Variants in GTF3C5 observed in about 807,000 individuals in gnomAD.
GTF3C5 encodes general transcription factor IIIC subunit 5.
In GTF3C5, 47 loss-of-function variants were observed where a neutral mutation model predicts 61.0. That is an observed-to-expected ratio of 0.77 (90% CI 0.61 to 0.98). The LOEUF is 0.98. Ranked by LOEUF, GTF3C5 falls within the 50% of genes least tolerant of loss-of-function variation. The probability of loss-of-function intolerance (pLI) is 0.00; values close to 1 mark genes in which losing one functional copy is unlikely to be tolerated. For missense variants in GTF3C5, 659 were observed against 703.3 expected (o/e 0.94, Z 0.71); for synonymous variants, 295 against 275.4 (o/e 1.07, Z -0.71).
chr9:133,038,569 G>A (rs535927129), intron 1 of GTF3C5, among the ~76,000 whole-genome samples: 2 of 150,848 alleles, frequency 1.3e-5, no homozygotes, highest in Admixed American at 6.6e-5. Flanking sequence ...TCCTGCCTCA[G>A]CCTCCTGAGT....
intron 1 of GTF3C5, among the ~76,000 whole-genome samples, chr9:133,036,092 A>G (rs111725678): frequency 0.034 from 5,104 of 152,252 alleles, 103 homozygotes; most frequent in South Asian, 0.077. Context: ...CTGAATATCC[A>G]TTATGTCTTT....
intron 10 of GTF3C5, among the ~76,000 whole-genome samples, chr9:133,057,400 C>T (rs1263225842): frequency 6.6e-6 from 1 of 152,184 alleles, no homozygotes; most frequent in Non-Finnish European, 1.5e-5. Context: ...TAAGAGGCCC[C>T]CTCTCTCAGG....
intron 4 of GTF3C5, 147 bp downstream of exon 4, chr9:133,051,125 G>C: frequency 1.7e-6 from 1 of 586,848 alleles, no homozygotes; most frequent in Non-Finnish European, 2.9e-6. Flanking sequence ...CTCACCTTCA[G>C]ATGCCATGTC....
At position 133,044,118 on chromosome 9, in the gene GTF3C5, C is replaced by CCGGGTGA. The variant is rs557146515; in HGVS notation, c.572+194_572+200dup. The CCGGGTGA allele has an allele frequency of 8.4e-4, 321 of 384,150 alleles. 2 individuals are homozygous for CCGGGTGA. Among genetic ancestry groups the CCGGGTGA allele is most frequent in the African/African-American group, 6.3e-3 (291 of 45,880 alleles). 23.8% of individuals were successfully genotyped at this position (384,150 alleles called of 1,614,324 possible). A position where few individuals can be genotyped will look rare whatever the true frequency, so the allele number is the denominator to read the frequency against. ...CAAGATCGCGTCACTGCACTCCAGC[C>CCGGGTGA]CGGGTGACAGAGTGAGACTTTGTCT... is the stretch of plus-strand genomic sequence containing the variant. On this transcript the variant is annotated intron_variant, in intron 3 of 10. Coordinates refer to ENST00000372097, the MANE Select transcript of GTF3C5 (RefSeq NM_012087.4).
chr9:133,058,341 G>T lies in GTF3C5; in HGVS notation c.*361G>T. On this transcript the variant is annotated 3_prime_UTR_variant, in exon 11 of 11. Transcript: ENST00000372097. The stretch of plus-strand genomic sequence containing the variant: ...GAGCCCCAGGCCACAGGCCAGTCTC[G>T]CTTGGCTCTCATGACTGTGGTGGTG... The T allele has an allele frequency of 4.5e-6, 1 of 223,754 alleles. No individual in the cohort carries two copies. The highest frequency in any genetic ancestry group is 8.6e-6 in the Non-Finnish European group (1 of 116,320). The allele number at this position is 223,754 out of a possible 1,614,324, so 13.9% of individuals were successfully genotyped here. A position where few individuals can be genotyped will look rare whatever the true frequency, so the allele number is the denominator to read the frequency against.
intron 3 of GTF3C5, among the ~76,000 whole-genome samples, chr9:133,048,033 A>G (rs563431408): frequency 6.6e-6 from 1 of 152,182 alleles, no homozygotes; most frequent in South Asian, 2.1e-4. Context: ...GGAAGTTGAG[A>G]TGGGAGGATG....
chr9:133,052,662 C>T (rs1850421735), intron 5 of GTF3C5, among the ~76,000 whole-genome samples: 1 of 152,058 alleles, frequency 6.6e-6, no homozygotes, highest in East Asian at 1.9e-4. Flanking sequence ...GAAAGGGATC[C>T]TCCCCGCTGC....
intron 10 of GTF3C5, 61 bp downstream of exon 10, chr9:133,056,969 G>C: frequency 6.8e-7 from 1 of 1,468,110 alleles, no homozygotes; most frequent in Non-Finnish European, 9.1e-7. Context: ...TGAGACAGAG[G>C]TGTCCCTAAG....
chr9:133,031,202 C>T (rs1351139741), intron 1 of GTF3C5, 38 bp downstream of exon 1: 2 of 1,510,890 alleles, frequency 1.3e-6, no homozygotes, highest in South Asian at 1.2e-5. Flanking sequence ...AATAAGAGCT[C>T]GGAGTCGCAA....
chr9:133,038,432 G>A (rs908851020), intron 1 of GTF3C5, among the ~76,000 whole-genome samples: 1 of 151,816 alleles, frequency 6.6e-6, no homozygotes, highest in Middle Eastern at 3.4e-3. Flanking sequence ...AAGGGACTGT[G>A]GGGGAGACCC....
At chr9:133,056,610 C>T (rs1197717130) in intron 9 of GTF3C5, among the ~76,000 whole-genome samples, 156 bp from the exon 10 acceptor site, 1 of 152,204 alleles carries the variant, frequency 6.6e-6, no homozygotes, top group Non-Finnish European at 1.5e-5. Context: ...CAGCTGGGAA[C>T]ACACAGCTTG....
chr9:133,031,385 CTT>C (rs1205963616), intron 1 of GTF3C5, among the ~76,000 whole-genome samples: 2 of 152,064 alleles, frequency 1.3e-5, no homozygotes, highest in South Asian at 2.1e-4. Flanking sequence ...GAGTTTCGCT[CTT>C]GTTTCCCAGG....
chr9:133,057,380 G>A (rs973355343), intron 10 of GTF3C5, among the ~76,000 whole-genome samples: 4 of 152,190 alleles, frequency 2.6e-5, no homozygotes, highest in African/African-American at 7.2e-5. Context: ...CACGAGGCTC[G>A]GGGGAGTTAT....
intron 1 of GTF3C5, 82 bp downstream of exon 1, chr9:133,031,246 G>A (rs1849723577): frequency 6.9e-6 from 9 of 1,306,466 alleles, no homozygotes; most frequent in Non-Finnish European, 8.4e-6. Context: ...TCTCAGCAAG[G>A]GAAATTTAGC....
chr9:133,053,268 C>T (rs865906590), intron 5 of GTF3C5, among the ~76,000 whole-genome samples: 1 of 152,106 alleles, frequency 6.6e-6, no homozygotes, highest in Non-Finnish European at 1.5e-5. Flanking sequence ...GCTCCACGGG[C>T]GCTATCTCAT....
intron 1 of GTF3C5, among the ~76,000 whole-genome samples, chr9:133,031,501 G>A (rs749996949): frequency 4.6e-5 from 7 of 152,102 alleles, no homozygotes; most frequent in South Asian, 2.1e-4. Flanking sequence ...ACAGGCGCAT[G>A]CCACCACGCC....
At chr9:133,052,529 C>A (rs1427829682) in intron 5 of GTF3C5, among the ~76,000 whole-genome samples, 3 of 152,114 alleles carry the variant, frequency 2.0e-5, no homozygotes, top group Non-Finnish European at 4.4e-5. Context: ...CAGCCCCTGA[C>A]CACAGCGGCC....
intron 1 of GTF3C5, among the ~76,000 whole-genome samples, chr9:133,033,126 A>G (rs957673598): frequency 6.6e-6 from 1 of 152,112 alleles, no homozygotes; most frequent in Non-Finnish European, 1.5e-5. Context: ...CTACATTTTT[A>G]TTTATAGTTA....
chr9:133,049,890 T>C (rs1850319313), intron 3 of GTF3C5, among the ~76,000 whole-genome samples: 1 of 152,032 alleles, frequency 6.6e-6, no homozygotes, highest in African/African-American at 2.4e-5. Flanking sequence ...AGCATCTCAG[T>C]AGAGTGGGGC....
Sources: allele counts gnomAD v4.1 joint callset (sites outside exome capture counted in the v4.1 genomes callset), GRCh38; gene constraint gnomAD v4.1.1; transcripts MANE v1.5; gene names NCBI Gene and HGNC (gene_info 2026-07-23, HGNC 2026-07-21).